Variants in SHISA6 observed in about 807,000 individuals in gnomAD.
SHISA6 encodes the protein shisa family member 6.
In SHISA6, 22 loss-of-function variants were observed where a neutral mutation model predicts 47.9. The observed-to-expected ratio is 0.46, with a 90% CI of 0.33 to 0.66. SHISA6 has a LOEUF of 0.66. SHISA6 is among the 30% of genes least tolerant of loss of function. The probability of loss-of-function intolerance (pLI) is 0.02; values close to 1 mark genes in which losing one functional copy is unlikely to be tolerated. For synonymous variants in SHISA6, 388 were observed against 337.8 expected (o/e 1.15, Z -1.63); for missense variants, 680 against 764.6 (o/e 0.89, Z 1.30).
intron 2 of SHISA6, among the ~76,000 whole-genome samples, chr17:11,337,252 C>G (rs1373166392): frequency 1.3e-5 from 2 of 152,106 alleles, no homozygotes; most frequent in African/African-American, 4.8e-5. Flanking sequence ...AAAAGCCAGT[C>G]GTGCGATACA....
chr17:11,368,689 C>G (rs1156909161), intron 2 of SHISA6, among the ~76,000 whole-genome samples: 4 of 152,132 alleles, frequency 2.6e-5, no homozygotes, highest in Non-Finnish European at 5.9e-5. Context: ...CAGAGTCTTG[C>G]TCTGTCGCCC....
intron 3 of SHISA6, among the ~76,000 whole-genome samples, chr17:11,400,242 G>C (rs868333399): frequency 3.3e-5 from 5 of 152,200 alleles, no homozygotes; most frequent in African/African-American, 1.2e-4. Flanking sequence ...GTGGCACTGA[G>C]AGTGGGAAAG....
intron 1 of SHISA6, among the ~76,000 whole-genome samples, chr17:11,259,217 T>C (rs1908134800): frequency 6.6e-6 from 1 of 152,116 alleles, no homozygotes; most frequent in Non-Finnish European, 1.5e-5. Flanking sequence ...CAGTGGTATA[T>C]AGTCAGCCCC....
intron 2 of SHISA6, among the ~76,000 whole-genome samples, chr17:11,276,522 G>A (rs62062005): frequency 0.16 from 24,326 of 152,068 alleles, 2,564 homozygotes; most frequent in African/African-American, 0.3. Context: ...AGTTGTTAAC[G>A]TTGTAACATA....
At chr17:11,424,250 C>T (rs541569501) in intron 3 of SHISA6, among the ~76,000 whole-genome samples, 1 of 152,226 alleles carries the variant, frequency 6.6e-6, no homozygotes, top group East Asian at 1.9e-4. Flanking sequence ...TGATAGGCTT[C>T]TTACATAGAA....
chr17:11,324,571 T>G (rs961905957), intron 2 of SHISA6, among the ~76,000 whole-genome samples: 5 of 152,024 alleles, frequency 3.3e-5, no homozygotes, highest in African/African-American at 1.2e-4. Context: ...AGGCGGGGTA[T>G]TGGGGCTGGA....
At chr17:11,525,634 AAAAAAAAAAAAAAAAAAC>A (rs1178268179) in intron 3 of SHISA6, among the ~76,000 whole-genome samples, 1 of 61,322 alleles carries the variant, frequency 1.6e-5, no homozygotes, top group Non-Finnish European at 3.1e-5. Context: ...TCCGTCTCAA[AAAAAAAAAAAAAAAAAAC>A]AAAAAAAAAA....
At chr17:11,519,949 T>C (rs1442661281) in intron 3 of SHISA6, among the ~76,000 whole-genome samples, 1 of 152,198 alleles carries the variant, frequency 6.6e-6, no homozygotes, top group African/African-American at 2.4e-5. Flanking sequence ...TCCTCTGTCA[T>C]TGGCCCCAAG....
intron 2 of SHISA6, among the ~76,000 whole-genome samples, chr17:11,315,402 C>G (rs976224827): frequency 9.2e-5 from 14 of 152,070 alleles, no homozygotes; most frequent in African/African-American, 3.4e-4. Flanking sequence ...TATGCCTCTT[C>G]TATTTCAATA....
chr17:11,525,046 G>A (rs940544351), intron 3 of SHISA6, among the ~76,000 whole-genome samples: 1 of 152,062 alleles, frequency 6.6e-6, no homozygotes, highest in African/African-American at 2.4e-5. Flanking sequence ...GTTTTTGTTT[G>A]TATATCTTTT....
chr17:11,464,510 T>C (rs1203119322), intron 3 of SHISA6, among the ~76,000 whole-genome samples: 2 of 152,154 alleles, frequency 1.3e-5, no homozygotes, highest in African/African-American at 2.4e-5. Flanking sequence ...TTCTTGTCCA[T>C]GCAGGCCCCT....
At chr17:11,465,796 T>G (rs537883432) in intron 3 of SHISA6, among the ~76,000 whole-genome samples, 1 of 152,158 alleles carries the variant, frequency 6.6e-6, no homozygotes, top group African/African-American at 2.4e-5. Context: ...GAAGGACACA[T>G]GGTTTGCACA....
rs548244349 is a variant in SHISA6 at position 11,336,855 on chromosome 17, A to C, written c.800-42559A>C. Among the ~76,000 whole-genome samples the C allele has an allele frequency of 2.0e-5, 3 of 152,320 alleles. No homozygotes were observed. In the South Asian group the frequency reaches 6.2e-4, roughly 32 times the overall value. ...GATTTCTTCCAGAAAGTCATTAAGC[A>C]GACCTGTGTGGGAGCTGCCCCAGCG... is the stretch of plus-strand genomic sequence containing the variant. On this transcript the variant is annotated intron_variant, in intron 2 of 5. Transcript: ENST00000441885.
chr17:11,508,274 G>C (rs1006357110), intron 3 of SHISA6, among the ~76,000 whole-genome samples: 1 of 152,168 alleles, frequency 6.6e-6, no homozygotes, highest in African/African-American at 2.4e-5. Context: ...CACTGTTCTG[G>C]AGTTTGGAAG....
intron 3 of SHISA6, among the ~76,000 whole-genome samples, chr17:11,428,472 T>C (rs1914660416): frequency 6.6e-6 from 1 of 152,244 alleles, no homozygotes; most frequent in African/African-American, 2.4e-5. Flanking sequence ...GCATGAGGAC[T>C]GGGTGGTGAT....
intron 3 of SHISA6, among the ~76,000 whole-genome samples, chr17:11,475,204 A>G (rs988451475): frequency 6.6e-6 from 1 of 152,102 alleles, no homozygotes; most frequent in African/African-American, 2.4e-5. Context: ...TCAATTTTCT[A>G]TGTAGATGAT....
chr17:11,340,218 T>C (rs1330647727), intron 2 of SHISA6, among the ~76,000 whole-genome samples: 1 of 152,234 alleles, frequency 6.6e-6, no homozygotes, highest in African/African-American at 2.4e-5. Flanking sequence ...TCTGTCACTA[T>C]GTAACAGACT....
intron 2 of SHISA6, among the ~76,000 whole-genome samples, chr17:11,361,332 T>A (rs1386695859): frequency 6.6e-6 from 1 of 152,240 alleles, no homozygotes; most frequent in East Asian, 1.9e-4. Context: ...ATGTGTGTAC[T>A]ATTGCCATGC....
At chr17:11,444,259 C>CA (rs1171198083) in intron 3 of SHISA6, among the ~76,000 whole-genome samples, 1 of 151,970 alleles carries the variant, frequency 6.6e-6, no homozygotes, top group African/African-American at 2.4e-5. Context: ...GTAGAGGTTG[C>CA]AATGAGCTGA....
Sources: gnomAD v4.1 joint callset for allele counts (sites outside exome capture counted in the v4.1 genomes callset) on GRCh38, gnomAD v4.1.1 for gene constraint, MANE v1.5 for transcripts, NCBI Gene and HGNC (gene_info 2026-07-23, HGNC 2026-07-21) for gene names.